Variants in SRPK2 observed in about 807,000 individuals in gnomAD.
The protein encoded by SRPK2 is SFRS protein kinase 2.
In SRPK2, 21 loss-of-function variants were observed where a neutral mutation model predicts 90.8. That is an observed-to-expected ratio of 0.23 (90% confidence interval 0.16 to 0.33). The LOEUF is 0.33. SRPK2 is among the 10% of genes least tolerant of loss of function. SRPK2 has a pLI of 1.00. For synonymous variants in SRPK2, 288 were observed against 311.1 expected, an observed-to-expected ratio of 0.93 and a Z score of 0.78; for missense variants, 620 against 869.0, an observed-to-expected ratio of 0.71 and a Z score of 3.60.
At chr7:105,163,393 C>T (rs1432402292) in intron 6 of SRPK2, among the ~76,000 whole-genome samples, 2 of 152,048 alleles carry the variant, frequency 1.3e-5, no homozygotes, top group East Asian at 1.9e-4. Flanking sequence ...GGGACAATAC[C>T]GCAAATAAAT....
At chr7:105,128,398 T>C (rs1437565664) in intron 13 of SRPK2, among the ~76,000 whole-genome samples, 1 of 152,164 alleles carries the variant, frequency 6.6e-6, no homozygotes, top group Non-Finnish European at 1.5e-5. Context: ...AAAGCCCTTA[T>C]GTAGGGCCTC....
intron 2 of SRPK2, among the ~76,000 whole-genome samples, chr7:105,257,955 AAGTT>A (rs941579314): frequency 2.0e-5 from 3 of 151,752 alleles, no homozygotes; most frequent in African/African-American, 7.3e-5. Flanking sequence ...AAAATACAAA[AAGTT>A]AGCCAGGCGT....
At chr7:105,360,626 T>C (rs1365675696) in intron 2 of SRPK2, among the ~76,000 whole-genome samples, 6 of 152,282 alleles carry the variant, frequency 3.9e-5, no homozygotes, top group South Asian at 2.1e-4. Flanking sequence ...CCTTCACTTA[T>C]GAAGCTTAGT....
chr7:105,352,892 T>A (rs559457706), intron 2 of SRPK2, among the ~76,000 whole-genome samples: 18 of 151,646 alleles, frequency 1.2e-4, no homozygotes, highest in Non-Finnish European at 1.8e-4. Flanking sequence ...AGAGCGAGAC[T>A]CTATCTCAAA....
intron 11 of SRPK2, among the ~76,000 whole-genome samples, chr7:105,135,440 C>G (rs2129575484): frequency 6.6e-6 from 1 of 152,340 alleles, no homozygotes; most frequent in East Asian, 1.9e-4. Context: ...GACCAGAGAG[C>G]AGCAGCAGAG....
chr7:105,252,831 T>C (rs1209251908), intron 2 of SRPK2, among the ~76,000 whole-genome samples: 2 of 151,388 alleles, frequency 1.3e-5, no homozygotes, highest in Admixed American at 1.3e-4. Context: ...CAACCTCCTG[T>C]CTCCCAGGTT....
chr7:105,232,719 A>AT (rs202003886), intron 2 of SRPK2, among the ~76,000 whole-genome samples: 14 of 6,654 alleles, frequency 2.1e-3, no homozygotes, highest in South Asian at 0.02. Flanking sequence ...AATAATAATA[A>AT]AAAAAAAAAA....
chr7:105,233,754 G>A (rs1237800182), intron 2 of SRPK2, among the ~76,000 whole-genome samples: 2 of 152,186 alleles, frequency 1.3e-5, no homozygotes, highest in East Asian at 3.9e-4. Flanking sequence ...TAGCTACTCA[G>A]GAGACTGAAG....
At chr7:105,241,249 T>C (rs190154642) in intron 2 of SRPK2, among the ~76,000 whole-genome samples, 5 of 152,318 alleles carry the variant, frequency 3.3e-5, no homozygotes, top group Admixed American at 1.3e-4. Context: ...AGACCACTTA[T>C]TGAATAGGTA....
At chr7:105,125,119 G>A (rs1311484076) in intron 15 of SRPK2, among the ~76,000 whole-genome samples, 4 of 113,242 alleles carry the variant, frequency 3.5e-5, no homozygotes, top group Non-Finnish European at 6.9e-5. Flanking sequence ...AACAGAGCAA[G>A]ACTCCATCTC....
intron 2 of SRPK2, among the ~76,000 whole-genome samples, chr7:105,229,786 G>A (rs1799199483): frequency 6.7e-6 from 1 of 149,938 alleles, no homozygotes; most frequent in African/African-American, 2.5e-5. Flanking sequence ...TTGCACTGCT[G>A]TGTTCAGCCA....
intron 2 of SRPK2, chr7:105,301,883 AC>A: frequency 6.3e-7 from 1 of 1,597,068 alleles, no homozygotes; most frequent in South Asian, 1.1e-5. Flanking sequence ...TAATTCCACA[AC>A]ATCGATAAGC....
intron 3 of SRPK2, among the ~76,000 whole-genome samples, chr7:105,173,067 G>C (rs1791357361): frequency 6.6e-6 from 1 of 152,044 alleles, no homozygotes; most frequent in South Asian, 2.1e-4. Context: ...GAAGCCCTCA[G>C]TCTAGCTAAA....
At chr7:105,356,301 G>A (rs1043928595) in intron 2 of SRPK2, among the ~76,000 whole-genome samples, 6 of 152,082 alleles carry the variant, frequency 3.9e-5, no homozygotes, top group African/African-American at 9.7e-5. Context: ...AAAATAGGCC[G>A]TGCTCCATCC....
At chr7:105,263,561 T>C (rs1356886627) in intron 2 of SRPK2, among the ~76,000 whole-genome samples, 1 of 152,108 alleles carries the variant, frequency 6.6e-6, no homozygotes, top group African/African-American at 2.4e-5. Flanking sequence ...TTATATAATG[T>C]TCAAAACAGA....
At chr7:105,365,694 GGGACTGAGATGGGA>G (rs1230510366) in intron 2 of SRPK2, among the ~76,000 whole-genome samples, 1 of 151,376 alleles carries the variant, frequency 6.6e-6, no homozygotes, top group Non-Finnish European at 1.5e-5. Flanking sequence ...AGCTACTCGG[GGGACTGAGATGGGA>G]GGATCATGTG....
intron 3 of SRPK2, chr7:105,189,723 T>A (rs1794034628): frequency 6.6e-6 from 1 of 152,436 alleles, no homozygotes; most frequent in South Asian, 2.1e-4. Flanking sequence ...AGTGACTGGG[T>A]GACAGAGCCA....
chr7:105,299,698 G>A (rs927213351), intron 2 of SRPK2, among the ~76,000 whole-genome samples: 17 of 152,128 alleles, frequency 1.1e-4, no homozygotes, highest in African/African-American at 4.1e-4. Context: ...TTCTAGACCA[G>A]CCTGGTTAAC....
chr7:105,180,308 A>G (rs1204409975), intron 3 of SRPK2, among the ~76,000 whole-genome samples: 2 of 152,226 alleles, frequency 1.3e-5, no homozygotes, highest in Non-Finnish European at 2.9e-5. Flanking sequence ...CAAAGCTGAC[A>G]GAAACAAGCA....
Sources: allele counts gnomAD v4.1 joint callset (sites outside exome capture counted in the v4.1 genomes callset), GRCh38; gene constraint gnomAD v4.1.1; transcripts MANE v1.5; gene names NCBI Gene and HGNC (gene_info 2026-07-23, HGNC 2026-07-21).